The following MARCHF1 variants were observed in gnomAD, a reference collection of about 807,000 sequenced individuals.
MARCHF1 encodes membrane associated ring-CH-type finger 1.
In MARCHF1, 40 loss-of-function variants were observed where a neutral mutation model predicts 54.2. The observed-to-expected ratio is 0.74, with a 90% CI of 0.57 to 0.96. The LOEUF (loss-of-function observed/expected upper bound fraction) is 0.96, where lower values mean the gene tolerates loss of function less well. Ranked by LOEUF, MARCHF1 falls within the 40% of genes least tolerant of loss-of-function variation. MARCHF1 has a pLI of 0.00. For synonymous variants in MARCHF1, 236 were observed against 236.3 expected (o/e 1.00, Z 0.01); for missense variants, 586 against 656.5 (o/e 0.89, Z 1.17).
rs28502000 is a variant in MARCHF1, at chr4:164,030,627, G to A, written c.-247-41918C>T. On this transcript the variant is annotated intron_variant, in intron 2 of 9. Transcript: ENST00000514618. ...GCTATGTCTGCTGAATATCCAGAAC[G>A]TTATTAGGCACTGTCAGGTATGCAG... 7.0e-3 allele frequency among the ~76,000 whole-genome samples: 1,069 copies of A among 152,260 alleles called. 16 individuals carry two copies. The highest frequency in any genetic ancestry group is 0.024 in the African/African-American group (1,012 of 41,544).
At chr4:164,165,362 G>GTCTGTCTCTCTCTCTC (rs1730347113) in intron 1 of MARCHF1, among the ~76,000 whole-genome samples, 1 of 148,642 alleles carries the variant, frequency 6.7e-6, no homozygotes, top group African/African-American at 2.5e-5. Flanking sequence ...TTTTCTCTCT[G>GTCTGTCTCTCTCTCTC]TCTCTCTCTC....
chr4:163,568,587 C>T (rs1739727218), intron 8 of MARCHF1, among the ~76,000 whole-genome samples: 1 of 152,126 alleles, frequency 6.6e-6, no homozygotes, highest in Non-Finnish European at 1.5e-5. Context: ...ACCTTTATGA[C>T]AATGAAATAT....
intron 7 of MARCHF1, among the ~76,000 whole-genome samples, chr4:163,597,680 C>CT (rs933120254): frequency 1.3e-5 from 2 of 152,012 alleles, no homozygotes; most frequent in Non-Finnish European, 1.5e-5. Context: ...TTCTACTTCA[C>CT]TTTTTTTCTC....
intron 3 of MARCHF1, among the ~76,000 whole-genome samples, chr4:163,901,490 C>T (rs1444911868): frequency 2.6e-5 from 4 of 152,132 alleles, no homozygotes; most frequent in Non-Finnish European, 5.9e-5. Flanking sequence ...AGATTTACTG[C>T]CCCTAGGGGT....
chr4:163,916,984 ATCCTC>A (rs1751321324), intron 3 of MARCHF1, among the ~76,000 whole-genome samples: 1 of 152,030 alleles, frequency 6.6e-6, no homozygotes, highest in South Asian at 2.1e-4. Flanking sequence ...TGCCCTAAAA[ATCCTC>A]TATTCTCCTC....
intron 1 of MARCHF1, among the ~76,000 whole-genome samples, chr4:164,237,584 G>A (rs1435397025): frequency 2.0e-5 from 3 of 151,956 alleles, no homozygotes; most frequent in Non-Finnish European, 4.4e-5. Context: ...GATCATATCA[G>A]AAATAAAATT....
chr4:163,542,484 T>C (rs1439460778), intron 9 of MARCHF1, among the ~76,000 whole-genome samples: 1 of 152,200 alleles, frequency 6.6e-6, no homozygotes, highest in Non-Finnish European at 1.5e-5. Context: ...AGCTGCATGA[T>C]AGAATCATCT....
intron 4 of MARCHF1, among the ~76,000 whole-genome samples, chr4:163,813,902 AC>A (rs1748462031): frequency 6.6e-6 from 1 of 152,098 alleles, no homozygotes; most frequent in Non-Finnish European, 1.5e-5. Context: ...CCTTTGGAAC[AC>A]CAAGCTCTAT....
At chr4:163,538,925 T>C (rs1738626881) in intron 9 of MARCHF1, among the ~76,000 whole-genome samples, 1 of 152,214 alleles carries the variant, frequency 6.6e-6, no homozygotes, top group Admixed American at 6.5e-5. Context: ...CTTTGGCCAA[T>C]AGGACAATAG....
At chr4:163,670,718 C>G (rs916135921) in intron 5 of MARCHF1, among the ~76,000 whole-genome samples, 1 of 152,102 alleles carries the variant, frequency 6.6e-6, no homozygotes, top group Admixed American at 6.6e-5. Context: ...AGATTATTCA[C>G]TAATTCAATG....
chr4:163,897,295 C>T (rs1750831183), intron 3 of MARCHF1, among the ~76,000 whole-genome samples: 1 of 152,188 alleles, frequency 6.6e-6, no homozygotes, highest in Admixed American at 6.5e-5. Context: ...AACCCATCAT[C>T]TTTTTCTGTG....
At chr4:164,090,862 G>C (rs1278314594) in intron 2 of MARCHF1, among the ~76,000 whole-genome samples, 1 of 152,032 alleles carries the variant, frequency 6.6e-6, no homozygotes, top group African/African-American at 2.4e-5. Context: ...TTGAACACCA[G>C]GAATAAAACA....
intron 1 of MARCHF1, among the ~76,000 whole-genome samples, chr4:164,364,946 T>C (rs1237515899): frequency 6.6e-6 from 1 of 152,028 alleles, no homozygotes; most frequent in Non-Finnish European, 1.5e-5. Context: ...ATTCAGTTAA[T>C]GAAACTCAAT....
intron 1 of MARCHF1, among the ~76,000 whole-genome samples, chr4:164,217,907 AAGAG>A (rs770638678): frequency 1.3e-5 from 2 of 152,064 alleles, no homozygotes; most frequent in East Asian, 1.9e-4. Flanking sequence ...TTATAACAAA[AAGAG>A]AGAGAGAGGG....
At chr4:163,682,699 A>G (rs1349056445) in intron 5 of MARCHF1, among the ~76,000 whole-genome samples, 1 of 152,108 alleles carries the variant, frequency 6.6e-6, no homozygotes, top group Non-Finnish European at 1.5e-5. Flanking sequence ...TTCTCATAAT[A>G]GTGAGTTCTC....
At chr4:163,985,261 A>G (rs1752839485) in intron 3 of MARCHF1, among the ~76,000 whole-genome samples, 1 of 152,268 alleles carries the variant, frequency 6.6e-6, no homozygotes, top group East Asian at 1.9e-4. Context: ...AGTCTAAGGC[A>G]CTTCATTTTA....
chr4:164,213,725 T>G (rs1731846987), intron 1 of MARCHF1, among the ~76,000 whole-genome samples: 1 of 152,062 alleles, frequency 6.6e-6, no homozygotes, highest in Non-Finnish European at 1.5e-5. Flanking sequence ...CATAATAAAT[T>G]ATAATATCTT....
intron 7 of MARCHF1, among the ~76,000 whole-genome samples, chr4:163,608,983 C>G (rs1741235620): frequency 6.6e-6 from 1 of 152,068 alleles, no homozygotes; most frequent in South Asian, 2.1e-4. Flanking sequence ...TTCCAGGCAT[C>G]ACTGCTACCT....
chr4:163,550,575 C>T (rs1579054161), intron 8 of MARCHF1, among the ~76,000 whole-genome samples: 2 of 151,526 alleles, frequency 1.3e-5, no homozygotes, highest in African/African-American at 4.9e-5. Context: ...CAGGTTCTTC[C>T]TGTCATTTTG....
Sources: allele counts gnomAD v4.1 joint callset (sites outside exome capture counted in the v4.1 genomes callset), GRCh38; gene constraint gnomAD v4.1.1; transcripts MANE v1.5; gene names NCBI Gene and HGNC (gene_info 2026-07-23, HGNC 2026-07-21).